Variants in KIAA1958 observed in about 807,000 individuals in gnomAD.
KIAA1958 encodes the protein KIAA1958, also known as uncharacterized protein KIAA1958.
In KIAA1958, 14 loss-of-function variants were observed where a neutral mutation model predicts 47.2. That is an observed-to-expected ratio of 0.30 (90% CI 0.20 to 0.46). KIAA1958 has a LOEUF of 0.46. Ranked by LOEUF, KIAA1958 falls within the 20% of genes least tolerant of loss-of-function variation. The pLI is 1.00. For missense variants in KIAA1958, 803 were observed against 909.2 expected (o/e 0.88, Z 1.50); for synonymous variants, 354 against 353.3 (o/e 1.00, Z -0.02).
intron 1 of KIAA1958, among the ~76,000 whole-genome samples, chr9:112,544,144 C>T (rs981119478): frequency 2.0e-5 from 3 of 152,072 alleles, no homozygotes; most frequent in African/African-American, 7.2e-5. Context: ...ATACTAGATT[C>T]ATTGTTTAGC....
At chr9:112,586,891 G>A (rs984191890) in intron 2 of KIAA1958, among the ~76,000 whole-genome samples, 1 of 152,148 alleles carries the variant, frequency 6.6e-6, no homozygotes, top group Non-Finnish European at 1.5e-5. Flanking sequence ...GTCAGTGTCA[G>A]GGCACTGAGG....
rs1201123255 is a variant in KIAA1958, at chr9:112,662,067, T to C, written c.*1998T>C. On this transcript the variant is annotated 3_prime_UTR_variant, in exon 4 of 4. Transcript: ENST00000337530. ...GAATCACTGGGATCTTTTCGGATTT[T>C]GACCTTTTCAAAGGTAGCAATAACT... The C allele has an allele frequency of 6.6e-6, 1 of 152,242 alleles. No individual in the cohort carries two copies. The highest frequency in any genetic ancestry group is 2.4e-5 in the African/African-American group (1 of 41,462). 9.4% of individuals were successfully genotyped at this position (152,242 alleles called of 1,614,324 possible). A position where few individuals can be genotyped will look rare whatever the true frequency, so the allele number is the denominator to read the frequency against.
In KIAA1958 at chr9:112,645,651, T is replaced by G. The variant is rs1310669740; in HGVS notation, c.1173T>G (p.Ala391=). The change falls in exon 3 of 4, where the codon GCT becomes GCG. Residue 391 remains alanine, a splice_region_variant and synonymous_variant. Coordinates refer to ENST00000337530, the MANE Select transcript of KIAA1958 (RefSeq NM_133465.4). ...TGCTTTTATTGTTTTTATTTCTAGC[T>G]TATTCCACTAAGCTCAACAAATTTC... ...TTEATAQCIP[A]YSTKLNKFPV... 1.9e-6 allele frequency: 3 copies of G among 1,588,280 alleles called. No homozygotes were observed. Among genetic ancestry groups the G allele is most frequent in the East Asian group, 4.5e-5 (2 of 44,380 alleles).
intron 2 of KIAA1958, among the ~76,000 whole-genome samples, chr9:112,602,350 G>A (rs1441063247): frequency 3.9e-5 from 6 of 152,088 alleles, no homozygotes; most frequent in Non-Finnish European, 8.8e-5. Flanking sequence ...GGCCTATTTC[G>A]TACGATCACT....
intron 1 of KIAA1958, among the ~76,000 whole-genome samples, chr9:112,546,779 C>G (rs1040933994): frequency 2.0e-5 from 3 of 152,234 alleles, no homozygotes; most frequent in East Asian, 3.9e-4. Flanking sequence ...CTCTCACTCT[C>G]TCTGCCCTGT....
intron 1 of KIAA1958, among the ~76,000 whole-genome samples, chr9:112,546,852 A>T (rs1835043343): frequency 6.6e-6 from 1 of 151,620 alleles, no homozygotes; most frequent in South Asian, 2.1e-4. Flanking sequence ...GCACTCCTTG[A>T]CTCGTTGGGA....
intron 1 of KIAA1958, among the ~76,000 whole-genome samples, chr9:112,492,307 C>T (rs1285713595): frequency 6.6e-6 from 1 of 152,210 alleles, no homozygotes; most frequent in East Asian, 1.9e-4. Context: ...TTGGTCTTCC[C>T]TCTGTGTATG....
intron 1 of KIAA1958, among the ~76,000 whole-genome samples, chr9:112,487,723 C>G (rs1833887289): frequency 6.6e-6 from 1 of 152,044 alleles, no homozygotes; most frequent in African/African-American, 2.4e-5. Flanking sequence ...CGCCCCCCCA[C>G]CCCCATCTGA....
At chr9:112,537,138 C>CT (rs372980272) in intron 1 of KIAA1958, among the ~76,000 whole-genome samples, 68 of 151,722 alleles carry the variant, frequency 4.5e-4, no homozygotes, top group African/African-American at 1.6e-3. Context: ...CAGAGTCTCC[C>CT]TTTGTCGCCC....
intron 1 of KIAA1958, among the ~76,000 whole-genome samples, chr9:112,561,089 C>T (rs1245542323): frequency 6.8e-6 from 1 of 146,162 alleles, no homozygotes; most frequent in Non-Finnish European, 1.5e-5. Context: ...GAGTCTTGCT[C>T]TGTTGCCCAG....
chr9:112,566,079 A>G (rs1835423356), intron 1 of KIAA1958, among the ~76,000 whole-genome samples: 1 of 151,968 alleles, frequency 6.6e-6, no homozygotes, highest in Non-Finnish European at 1.5e-5. Flanking sequence ...AATTTTTTGT[A>G]TTTTTAGTAG....
intron 2 of KIAA1958, among the ~76,000 whole-genome samples, chr9:112,585,511 C>G (rs976337535): frequency 6.6e-6 from 1 of 152,218 alleles, no homozygotes; most frequent in South Asian, 2.1e-4. Context: ...CATGTGATGT[C>G]ACAGTGTCCT....
chr9:112,630,146 G>A (rs1836683883), intron 2 of KIAA1958, among the ~76,000 whole-genome samples: 2 of 152,176 alleles, frequency 1.3e-5, no homozygotes, highest in Non-Finnish European at 2.9e-5. Flanking sequence ...ACAGATCATA[G>A]GGTAGCAACA....
chr9:112,645,892 A>C, intron 3 of KIAA1958, 70 bp downstream of exon 3: 1 of 1,385,432 alleles, frequency 7.2e-7, no homozygotes, highest in Non-Finnish European at 9.9e-7. Flanking sequence ...CACTGTGCTA[A>C]GCATTGTAGG....
intron 1 of KIAA1958, among the ~76,000 whole-genome samples, chr9:112,542,441 A>AT (rs1834959761): frequency 6.6e-6 from 1 of 152,176 alleles, no homozygotes; most frequent in Non-Finnish European, 1.5e-5. Context: ...ATTATAAAGA[A>AT]AATATTCACA....
At chr9:112,510,086 G>C (rs1390196288) in intron 1 of KIAA1958, among the ~76,000 whole-genome samples, 1 of 152,222 alleles carries the variant, frequency 6.6e-6, no homozygotes, top group African/African-American at 2.4e-5. Flanking sequence ...CTTTGCACAA[G>C]ATCCTGGAGT....
intron 2 of KIAA1958, among the ~76,000 whole-genome samples, chr9:112,603,329 G>T (rs959050838): frequency 1.3e-5 from 2 of 152,034 alleles, no homozygotes; most frequent in African/African-American, 4.8e-5. Context: ...ATTTCATGTG[G>T]CTATCCCATT....
In KIAA1958 at chr9:112,663,494, A is replaced by G. The variant is rs1239876969; in HGVS notation, c.*3425A>G. 2.6e-5 allele frequency: 4 copies of G among 152,166 alleles called. No homozygotes were observed. Among genetic ancestry groups the G allele is most frequent in the African/African-American group, 7.2e-5 (3 of 41,432 alleles). The allele number at this position is 152,166 out of a possible 1,614,324, so 9.4% of individuals were successfully genotyped here. A position where few individuals can be genotyped will look rare whatever the true frequency, so the allele number is the denominator to read the frequency against. On this transcript the variant is annotated 3_prime_UTR_variant, in exon 4 of 4. Transcript: ENST00000337530. The stretch of plus-strand genomic sequence containing the variant: ...GAGATTCTGTCTCCCTTAAACTGTT[A>G]AACTTGAAGAAGAAACCAAACATGA...
intron 1 of KIAA1958, among the ~76,000 whole-genome samples, chr9:112,542,439 G>T (rs1169162308): frequency 2.0e-5 from 3 of 151,920 alleles, no homozygotes; most frequent in African/African-American, 4.8e-5. Flanking sequence ...TCATTATAAA[G>T]AAAATATTCA....
Sources: allele counts gnomAD v4.1 joint callset (sites outside exome capture counted in the v4.1 genomes callset), GRCh38; gene constraint gnomAD v4.1.1; transcripts MANE v1.5; gene names NCBI Gene and HGNC (gene_info 2026-07-23, HGNC 2026-07-21).